DISC1: variants seen among roughly 807,000 people sequenced by gnomAD.
The protein encoded by DISC1 is disrupted in schizophrenia 1 protein.
In DISC1, 57 loss-of-function variants were observed where a neutral mutation model predicts 84.5. That is an observed-to-expected ratio of 0.67 (90% CI 0.55 to 0.84). The LOEUF is 0.84. DISC1 is among the 40% of genes least tolerant of loss of function. The probability of loss-of-function intolerance (pLI) is 0.00; values close to 1 mark genes in which losing one functional copy is unlikely to be tolerated. For synonymous variants in DISC1, 411 were observed against 415.2 expected, an observed-to-expected ratio of 0.99 and a Z score of 0.12; for missense variants, 1,000 against 1,057.8, an observed-to-expected ratio of 0.95 and a Z score of 0.76.
Position 231,626,875 on chromosome 1 carries a change from G to T in DISC1, c.8G>T (p.Gly3Val). Residue 3 changes from glycine to valine, a missense_variant, in exon 1 of 13, where the codon GGC (glycine) becomes GTC (valine). Around this residue, in one of 3 missense-constraint regions of DISC1, gnomAD observed 292 missense variants for 280.2 expected, o/e 1.04. Coordinates refer to ENST00000439617, the MANE Select transcript of DISC1 (RefSeq NM_018662.3). The part of the protein sequence containing the change: MP[G>V]GGPQGAPAAA... The stretch of plus-strand genomic sequence containing the variant: ...GAGCTGGCAGCGGGGCGCATGCCAG[G>T]CGGGGGTCCTCAGGGCGCCCCAGCC... 1 of 1,479,406 alleles carries T rather than the reference G, an allele frequency of 6.8e-7. No individual in the cohort carries two copies. The highest frequency in any genetic ancestry group is 8.9e-7 in the Non-Finnish European group (1 of 1,125,722). 91.6% of individuals were successfully genotyped at this position (1,479,406 alleles called of 1,614,324 possible).
At chr1:231,981,944 G>A (rs1357177057) in intron 10 of DISC1, among the ~76,000 whole-genome samples, 1 of 152,170 alleles carries the variant, frequency 6.6e-6, no homozygotes, top group Non-Finnish European at 1.5e-5. Flanking sequence ...GGTATGTAGA[G>A]AAGTGGGGAG....
At chr1:231,997,933 G>A (rs183989362) in intron 10 of DISC1, among the ~76,000 whole-genome samples, 27 of 152,196 alleles carry the variant, frequency 1.8e-4, no homozygotes, top group Admixed American at 1.0e-3. Flanking sequence ...AAAAAAGAAC[G>A]GTAATAAATG....
chr1:231,847,584 G>A (rs900503336), intron 9 of DISC1, among the ~76,000 whole-genome samples: 3 of 152,146 alleles, frequency 2.0e-5, no homozygotes, highest in African/African-American at 4.8e-5. Context: ...ACCCTTCTCC[G>A]TCCTCGCTCC....
chr1:231,974,536 T>A (rs971768476), intron 10 of DISC1, among the ~76,000 whole-genome samples: 52 of 152,316 alleles, frequency 3.4e-4, no homozygotes, highest in African/African-American at 1.1e-3. Context: ...GAGAGAAAGT[T>A]GGTTTATCTG....
intron 4 of DISC1, among the ~76,000 whole-genome samples, 154 bp from the exon 5 acceptor site, chr1:231,766,986 C>T (rs988579140): frequency 6.6e-6 from 1 of 152,160 alleles, no homozygotes; most frequent in East Asian, 1.9e-4. Flanking sequence ...TAGAAACTTA[C>T]ATTAAGGAGC....
chr1:231,988,797 C>T (rs1345614754), intron 10 of DISC1, among the ~76,000 whole-genome samples: 2 of 152,174 alleles, frequency 1.3e-5, no homozygotes, highest in Non-Finnish European at 2.9e-5. Context: ...AAAAATGTAC[C>T]TACACACACA....
Position 231,770,817 on chromosome 1 carries a change from T to C in DISC1, c.1399-18T>C. 1.2e-6 allele frequency: 2 copies of C among 1,611,790 alleles called. No individual in the cohort carries two copies. The highest frequency in any genetic ancestry group is 1.7e-6 in the Non-Finnish European group (2 of 1,178,868). On this transcript the variant is annotated intron_variant, in intron 5 of 12. Coordinates refer to ENST00000439617, the MANE Select transcript of DISC1 (RefSeq NM_018662.3). Reference sequence around the variant, plus strand: ...AGCAGGGTTAATTTATAAAATCTTGTCTCCTCATTCTCTACAGAAAGAAAT... The same window carrying C: ...AGCAGGGTTAATTTATAAAATCTTGCCTCCTCATTCTCTACAGAAAGAAAT...
At chr1:231,955,442 T>A (rs1377828861) in intron 9 of DISC1, among the ~76,000 whole-genome samples, 4 of 152,162 alleles carry the variant, frequency 2.6e-5, no homozygotes, top group Non-Finnish European at 5.9e-5. Context: ...CAATTTCTGT[T>A]TTTTTTCTGG....
intron 1 of DISC1, among the ~76,000 whole-genome samples, chr1:231,641,633 C>T (rs1407239235): frequency 6.6e-6 from 1 of 152,212 alleles, no homozygotes; most frequent in Non-Finnish European, 1.5e-5. Context: ...CTTATCTGGC[C>T]CCACCCACAT....
intron 9 of DISC1, among the ~76,000 whole-genome samples, chr1:231,943,157 C>A (rs995405547): frequency 3.9e-4 from 59 of 152,242 alleles, no homozygotes; most frequent in African/African-American, 1.3e-3. Context: ...ATAGCATGTT[C>A]TATTGTCCTA....
At chr1:231,785,214 G>T (rs2077735760) in intron 6 of DISC1, among the ~76,000 whole-genome samples, 1 of 113,182 alleles carries the variant, frequency 8.8e-6, no homozygotes, top group African/African-American at 3.6e-5. Context: ...AATGTCAACA[G>T]ATTTGTCTGT....
chr1:231,753,644 A>C (rs1289883816), intron 4 of DISC1, among the ~76,000 whole-genome samples: 1 of 152,056 alleles, frequency 6.6e-6, no homozygotes, highest in Non-Finnish European at 1.5e-5. Context: ...ACTTATGCAA[A>C]TTTTTGCAGC....
intron 1 of DISC1, among the ~76,000 whole-genome samples, chr1:231,659,219 G>A (rs1240969711): frequency 1.3e-5 from 2 of 152,112 alleles, no homozygotes; most frequent in Non-Finnish European, 2.9e-5. Flanking sequence ...GAGGGTGTAT[G>A]TGTCTAGGAA....
At chr1:231,636,045 G>A (rs183965987) in intron 1 of DISC1, among the ~76,000 whole-genome samples, 4 of 152,264 alleles carry the variant, frequency 2.6e-5, no homozygotes, top group African/African-American at 9.6e-5. Context: ...ATGGATAGAT[G>A]GAGGAAGAAA....
chr1:231,672,406 T>C (rs149126800), intron 1 of DISC1, among the ~76,000 whole-genome samples: 20 of 152,322 alleles, frequency 1.3e-4, no homozygotes, highest in African/African-American at 4.8e-4. Flanking sequence ...CTGAAGATCA[T>C]TTTCTTTAAT....
intron 10 of DISC1, among the ~76,000 whole-genome samples, chr1:231,978,417 T>C (rs958699661): frequency 3.3e-5 from 5 of 152,200 alleles, no homozygotes; most frequent in Non-Finnish European, 5.9e-5. Context: ...AGAATTCTTA[T>C]ATAAAAAAAT....
chr1:231,717,127 T>C (rs201322793), intron 3 of DISC1, among the ~76,000 whole-genome samples: 6 of 152,216 alleles, frequency 3.9e-5, no homozygotes, highest in Middle Eastern at 3.4e-3. Flanking sequence ...CTTCAAAGCA[T>C]GGTGTGAATG....
chr1:232,011,691 G>A (rs906362032), intron 11 of DISC1, among the ~76,000 whole-genome samples: 6 of 151,570 alleles, frequency 4.0e-5, no homozygotes, highest in African/African-American at 1.2e-4. Context: ...GATTGTGGTG[G>A]TAGTTACGTG....
rs561224576 is a variant in DISC1 at position 231,900,901 on chromosome 1, A to G, written c.1982-57927A>G. On this transcript the variant is annotated intron_variant, in intron 9 of 12. Transcript: ENST00000439617. ...GGCGTATTTTCTTAGATGCAACAAA[A>G]TCTACTCTAGCTGCTGCCTCAGGGT... 5.3e-5 allele frequency among the ~76,000 whole-genome samples: 8 copies of G among 152,230 alleles called. No individual in the cohort carries two copies. The South Asian group carries it at 1.7e-3, about 32-fold the overall frequency.
Sources: allele counts gnomAD v4.1 joint callset (sites outside exome capture counted in the v4.1 genomes callset), GRCh38; gene constraint gnomAD v4.1.1; regional missense constraint gnomAD v4.1.1; transcripts MANE v1.5; gene names NCBI Gene and HGNC (gene_info 2026-07-23, HGNC 2026-07-21).